The following RYR3 variants were observed in gnomAD, a reference collection of about 807,000 sequenced individuals.
The protein encoded by RYR3 is ryanodine receptor 3.
RYR3 carries 207 observed loss-of-function variants against 584.3 expected under a neutral mutation model. The ratio of observed to expected loss-of-function variants is 0.35; its 90% CI spans 0.32 to 0.40. The LOEUF is 0.40. Among genes scored for constraint, RYR3 ranks in the 10% least tolerant of loss-of-function variants. RYR3 has a pLI of 1.00. For missense variants in RYR3, 5,616 were observed against 6,089.2 expected, an observed-to-expected ratio of 0.92 and a Z score of 2.59; for synonymous variants, 2,416 against 2,248.5, an observed-to-expected ratio of 1.07 and a Z score of -2.11.
At chr15:33,606,031 A>G (rs2059886095) in intron 18 of RYR3, among the ~76,000 whole-genome samples, 1 of 152,236 alleles carries the variant, frequency 6.6e-6, no homozygotes, top group African/African-American at 2.4e-5. Flanking sequence ...TTATTAAAGT[A>G]CAATAGATTT....
intron 1 of RYR3, among the ~76,000 whole-genome samples, chr15:33,345,639 T>TCTGGGTCCAGC (rs1406467693): frequency 6.6e-6 from 1 of 152,184 alleles, no homozygotes; most frequent in Non-Finnish European, 1.5e-5. Context: ...GACTTTGTAT[T>TCTGGGTCCAGC]CTGGGTCCAG....
At chr15:33,639,565 C>G (rs1473168547) in intron 27 of RYR3, among the ~76,000 whole-genome samples, 1 of 152,178 alleles carries the variant, frequency 6.6e-6, no homozygotes, top group Non-Finnish European at 1.5e-5. Flanking sequence ...CCTCCCCCCA[C>G]CCCGTAAAGC....
intron 10 of RYR3, among the ~76,000 whole-genome samples, chr15:33,556,376 G>A (rs79693038): frequency 6.6e-6 from 1 of 152,258 alleles, no homozygotes; most frequent in East Asian, 1.9e-4. Context: ...ATGCAACTCT[G>A]TGTTTCAGTG....
At chr15:33,663,170 C>CA (rs1277760681) in intron 35 of RYR3, among the ~76,000 whole-genome samples, 1 of 152,018 alleles carries the variant, frequency 6.6e-6, no homozygotes, top group East Asian at 1.9e-4. Flanking sequence ...AAAAACAGTG[C>CA]AAAAAACAAT....
intron 65 of RYR3, among the ~76,000 whole-genome samples, chr15:33,782,097 AG>A (rs1249249650): frequency 1.3e-5 from 2 of 152,198 alleles, no homozygotes; most frequent in African/African-American, 4.8e-5. Context: ...CTGTGACTTG[AG>A]AAATAGTGTA....
intron 23 of RYR3, among the ~76,000 whole-genome samples, chr15:33,631,840 G>A (rs1020032821): frequency 6.6e-6 from 1 of 152,214 alleles, no homozygotes; most frequent in African/African-American, 2.4e-5. Context: ...ATGCATGCCA[G>A]CAGATATGCA....
intron 1 of RYR3, among the ~76,000 whole-genome samples, chr15:33,376,748 T>A (rs1337042200): frequency 6.6e-6 from 1 of 152,234 alleles, no homozygotes; most frequent in Non-Finnish European, 1.5e-5. Context: ...AGTTTTATGG[T>A]CCGAACTTTC....
intron 27 of RYR3, 109 bp from the exon 28 acceptor site, chr15:33,644,202 T>G: frequency 2.6e-6 from 2 of 779,976 alleles, no homozygotes; most frequent in East Asian, 5.4e-5. Context: ...TTGTGTCACA[T>G]CTTTCCTACT....
intron 1 of RYR3, among the ~76,000 whole-genome samples, chr15:33,344,455 C>T (rs952108712): frequency 6.6e-6 from 1 of 152,058 alleles, no homozygotes; most frequent in African/African-American, 2.4e-5. Context: ...TTTCGGTTCC[C>T]CATTTGCTTG....
chr15:33,765,632 CAA>C (rs761552773), intron 60 of RYR3, among the ~76,000 whole-genome samples: 2,995 of 60,850 alleles, frequency 0.049, 34 homozygotes, highest in African/African-American at 0.14. Flanking sequence ...GACTCCGTCT[CAA>C]AAAAAAAAAA....
chr15:33,731,719 C>G (rs966071445), intron 48 of RYR3, 25 bp downstream of exon 48: 1 of 1,491,150 alleles, frequency 6.7e-7, no homozygotes, highest in Middle Eastern at 1.7e-4. Flanking sequence ...TATGTTGTTA[C>G]TTCTGTGTAT....
chr15:33,636,648 C>A, intron 27 of RYR3, 98 bp downstream of exon 27: 1 of 1,081,196 alleles, frequency 9.2e-7, no homozygotes, highest in Non-Finnish European at 1.3e-6. Flanking sequence ...TCGGTCTACA[C>A]TGTCCTTTGC....
At chr15:33,328,497 A>G (rs1021055006) in intron 1 of RYR3, among the ~76,000 whole-genome samples, 2 of 152,160 alleles carry the variant, frequency 1.3e-5, no homozygotes, top group African/African-American at 4.8e-5. Context: ...TCTATCACTA[A>G]TCTTCATGGG....
At chr15:33,667,204 C>T (rs1006699896) in intron 36 of RYR3, among the ~76,000 whole-genome samples, 6 of 152,160 alleles carry the variant, frequency 3.9e-5, no homozygotes, top group African/African-American at 1.4e-4. Flanking sequence ...ATTTTTCCAA[C>T]CTAGAAATCC....
intron 32 of RYR3, among the ~76,000 whole-genome samples, chr15:33,658,613 T>C (rs558296027): frequency 6.6e-6 from 1 of 152,196 alleles, no homozygotes; most frequent in South Asian, 2.1e-4. Context: ...CTAATGTTTA[T>C]ATTTGCTTCA....
chr15:33,492,482 T>G (rs148604263), intron 2 of RYR3, among the ~76,000 whole-genome samples: 2 of 149,486 alleles, frequency 1.3e-5, no homozygotes, highest in Admixed American at 6.7e-5. Flanking sequence ...AAAAATGCCA[T>G]GTAGGAGCAA....
chr15:33,362,122 C>T (rs1341783240), intron 1 of RYR3, among the ~76,000 whole-genome samples: 1 of 152,184 alleles, frequency 6.6e-6, no homozygotes, highest in Non-Finnish European at 1.5e-5. Flanking sequence ...TAACACAGCA[C>T]CCTTGCCCCC....
rs769719945 is a variant in RYR3 at position 33,857,760 on chromosome 15, C to T, written c.14008-20C>T. 3 of 1,613,552 alleles carry T rather than the reference C, an allele frequency of 1.9e-6. No homozygotes were observed. The African/African-American group carries it at 4.0e-5, about 22-fold the overall frequency. On this transcript the variant is annotated intron_variant, in intron 98 of 103. Transcript: ENST00000634891. ...GAGAAGACCCCACTCCTTTTCCTTT[C>T]TCTGTCCTCTCATTCCCAGTTGGTT...
chr15:33,391,394 G>T (rs570007071), intron 1 of RYR3, among the ~76,000 whole-genome samples: 1 of 152,074 alleles, frequency 6.6e-6, no homozygotes, highest in Non-Finnish European at 1.5e-5. Flanking sequence ...TTGGGAGGCC[G>T]AGGTGGGTGG....
Sources: allele counts gnomAD v4.1 joint callset (sites outside exome capture counted in the v4.1 genomes callset), GRCh38; gene constraint gnomAD v4.1.1; transcripts MANE v1.5; gene names NCBI Gene and HGNC (gene_info 2026-07-23, HGNC 2026-07-21).